The following MARCHF1 variants were observed in gnomAD, a reference collection of about 807,000 sequenced individuals.
The protein encoded by MARCHF1 is membrane associated ring-CH-type finger 1.
Under a neutral mutation model 54.2 loss-of-function variants are expected in MARCHF1, and 40 were observed. The observed-to-expected ratio is 0.74, with a 90% confidence interval of 0.57 to 0.96. The LOEUF (loss-of-function observed/expected upper bound fraction) is 0.96. Among genes scored for constraint, MARCHF1 ranks in the 40% least tolerant of loss-of-function variants. MARCHF1 has a pLI of 0.00. For missense variants in MARCHF1, 586 were observed against 656.5 expected, an observed-to-expected ratio of 0.89 and a Z score of 1.17; for synonymous variants, 236 against 236.3, an observed-to-expected ratio of 1.00 and a Z score of 0.01.
At position 163,923,783 on chromosome 4, in the gene MARCHF1, A is replaced by T. The variant is rs12501701; in HGVS notation, c.-39+64718T>A. The stretch of plus-strand genomic sequence containing the variant: ...TAGAATTGTAAAAAAAAAAAAAAAT[A>T]GAAAAAAGTAAAAGAAAATTTAAAT... On this transcript the variant is annotated intron_variant, in intron 3 of 9. Coordinates refer to ENST00000514618, the MANE Select transcript of MARCHF1 (RefSeq NM_001394959.1). Among the ~76,000 whole-genome samples, 6 of 149,184 alleles carry T rather than the reference A, an allele frequency of 4.0e-5. No individual in the cohort carries two copies. The East Asian group carries it at 5.8e-4, about 15-fold the overall frequency.
rs1454533239 is a variant in MARCHF1, at chr4:164,007,644, CTCTGTGTG to C, written c.-247-18943_-247-18936del. 3.6e-4 allele frequency among the ~76,000 whole-genome samples: 37 copies of C among 101,668 alleles called. No homozygotes were observed. The East Asian group carries it at 5.5e-3, about 15-fold the overall frequency. 66.7% of individuals were successfully genotyped at this position (101,668 alleles called of 152,430 possible). A position where few individuals can be genotyped will look rare whatever the true frequency, so the allele number is the denominator to read the frequency against. ...GTAGAATTTATTTCTCTCTCTCTCT[CTCTGTGTG>C]TGTGTGTGTGTGTGTGTGTGTGTGT... On this transcript the variant is annotated intron_variant, in intron 2 of 9. Transcript: ENST00000514618.
intron 8 of MARCHF1, among the ~76,000 whole-genome samples, chr4:163,556,274 TAA>T (rs1358416864): frequency 1.3e-5 from 2 of 152,208 alleles, no homozygotes; most frequent in Non-Finnish European, 2.9e-5. Context: ...TTTCCATCAA[TAA>T]GAGATAATAG....
intron 2 of MARCHF1, among the ~76,000 whole-genome samples, chr4:163,991,614 T>G (rs1752968755): frequency 6.6e-6 from 1 of 152,190 alleles, no homozygotes; most frequent in African/African-American, 2.4e-5. Flanking sequence ...AACTGAGCAC[T>G]GACAGACACT....
At chr4:163,761,956 A>C (rs1746838497) in intron 4 of MARCHF1, among the ~76,000 whole-genome samples, 1 of 152,184 alleles carries the variant, frequency 6.6e-6, no homozygotes, top group Non-Finnish European at 1.5e-5. Context: ...TTCTCAATAC[A>C]TTGTCTGATG....
chr4:163,905,071 A>G (rs776817892), intron 3 of MARCHF1, among the ~76,000 whole-genome samples: 1 of 152,098 alleles, frequency 6.6e-6, no homozygotes, highest in Non-Finnish European at 1.5e-5. Flanking sequence ...AAAGGCATCA[A>G]GTATGGTGGA....
intron 3 of MARCHF1, among the ~76,000 whole-genome samples, chr4:163,899,909 A>G (rs1369095534): frequency 6.6e-6 from 1 of 151,004 alleles, no homozygotes; most frequent in Non-Finnish European, 1.5e-5. Context: ...CATTCCACAC[A>G]TGTTGCCAAG....
At chr4:163,703,028 G>C (rs926831361) in intron 4 of MARCHF1, among the ~76,000 whole-genome samples, 1 of 152,130 alleles carries the variant, frequency 6.6e-6, no homozygotes, top group Non-Finnish European at 1.5e-5. Context: ...TACATTGTTT[G>C]ACATTCCTGG....
At chr4:163,610,726 G>T (rs553071806) in intron 7 of MARCHF1, among the ~76,000 whole-genome samples, 1 of 151,974 alleles carries the variant, frequency 6.6e-6, no homozygotes, top group Non-Finnish European at 1.5e-5. Flanking sequence ...TAAATTACAC[G>T]GTGACAGTTT....
intron 1 of MARCHF1, among the ~76,000 whole-genome samples, chr4:164,152,869 G>A (rs947790357): frequency 1.9e-4 from 29 of 151,968 alleles, no homozygotes; most frequent in African/African-American, 7.0e-4. Flanking sequence ...TTTACCTATA[G>A]CCTGGAAGTC....
At chr4:164,358,045 T>C (rs1009604493) in intron 1 of MARCHF1, among the ~76,000 whole-genome samples, 2 of 152,102 alleles carry the variant, frequency 1.3e-5, no homozygotes, top group African/African-American at 4.8e-5. Flanking sequence ...TTTTTCCTAA[T>C]AAATACAAGA....
At chr4:163,919,283 G>T (rs1751374046) in intron 3 of MARCHF1, among the ~76,000 whole-genome samples, 1 of 151,784 alleles carries the variant, frequency 6.6e-6, no homozygotes. Context: ...GAAGAGAAAA[G>T]GTATTTCAAT....
intron 2 of MARCHF1, among the ~76,000 whole-genome samples, chr4:164,102,762 C>G (rs1416145872): frequency 6.6e-6 from 1 of 150,518 alleles, no homozygotes; most frequent in South Asian, 2.2e-4. Context: ...TCACACATAA[C>G]AATATTAACT....
intron 1 of MARCHF1, among the ~76,000 whole-genome samples, chr4:164,381,657 A>T (rs921134717): frequency 6.6e-6 from 1 of 152,198 alleles, no homozygotes; most frequent in Non-Finnish European, 1.5e-5. Flanking sequence ...CACATATTGT[A>T]TGTAAATGTA....
chr4:164,233,923 C>T (rs1436891810), intron 1 of MARCHF1, among the ~76,000 whole-genome samples: 1 of 152,116 alleles, frequency 6.6e-6, no homozygotes, highest in African/African-American at 2.4e-5. Flanking sequence ...TTTCAATTTA[C>T]AAGAAAACCA....
chr4:163,717,990 T>C (rs2111277091), intron 4 of MARCHF1, among the ~76,000 whole-genome samples: 1 of 152,198 alleles, frequency 6.6e-6, no homozygotes, highest in Middle Eastern at 3.4e-3. Flanking sequence ...CCCTCAGAAA[T>C]AATGCCACAT....
At chr4:164,045,802 C>G (rs573529691) in intron 2 of MARCHF1, among the ~76,000 whole-genome samples, 13 of 151,398 alleles carry the variant, frequency 8.6e-5, no homozygotes, top group Middle Eastern at 6.9e-3. Flanking sequence ...TCTCAAGATA[C>G]TTTTAACTAT....
chr4:164,074,583 T>C (rs1754937586), intron 2 of MARCHF1, among the ~76,000 whole-genome samples: 1 of 152,190 alleles, frequency 6.6e-6, no homozygotes, highest in African/African-American at 2.4e-5. Flanking sequence ...TAAAAATAGG[T>C]ATTTGTTTAA....
chr4:164,212,706 T>C (rs1731811172), intron 1 of MARCHF1, among the ~76,000 whole-genome samples: 1 of 152,200 alleles, frequency 6.6e-6, no homozygotes, highest in Non-Finnish European at 1.5e-5. Flanking sequence ...GTCTTATGTA[T>C]CCATGGGTTC....
Position 163,545,673 on chromosome 4 carries a change from G to A in MARCHF1, c.1262C>T (p.Ala421Val). The A allele has an allele frequency of 3.1e-6, 5 of 1,614,028 alleles. No individual in the cohort carries two copies. Among genetic ancestry groups the A allele is most frequent in the South Asian group, 1.1e-5 (1 of 91,070 alleles). Reference sequence around the variant, plus strand: ...CAAAGACCAAACCACACAGGTGATCGCGATTACGTGGAATGTGACAGAGCA... The same window carrying A: ...CAAAGACCAAACCACACAGGTGATCACGATTACGTGGAATGTGACAGAGCA... ...IFCSVTFHVI[A>V]ITCVVWSLYV... The change falls in exon 9 of 10, where the codon GCG (alanine) becomes GTG (valine). Residue 421 changes from alanine to valine, a missense_variant. Around this residue, in one of 3 missense-constraint regions of MARCHF1, gnomAD observed 93 missense variants for 168.2 expected, o/e 0.55. Transcript: ENST00000514618.
Sources: gnomAD v4.1 joint callset for allele counts (sites outside exome capture counted in the v4.1 genomes callset) on GRCh38, gnomAD v4.1.1 for gene constraint, gnomAD v4.1.1 regional missense constraint, MANE v1.5 for transcripts, NCBI Gene and HGNC (gene_info 2026-07-23, HGNC 2026-07-21) for gene names.